The following TFPI variants were observed in gnomAD, a reference collection of about 807,000 sequenced individuals.
The protein encoded by TFPI is tissue factor pathway inhibitor.
Under a neutral mutation model 34.6 loss-of-function variants are expected in TFPI, and 15 were observed. That is an observed-to-expected ratio of 0.43 (90% CI 0.29 to 0.67). The LOEUF is 0.67. TFPI is among the 30% of genes least tolerant of loss of function. TFPI has a pLI of 0.15. For missense variants in TFPI, 301 were observed against 364.0 expected (o/e 0.83, Z 1.41); for synonymous variants, 105 against 120.1 (o/e 0.87, Z 0.82).
At chr2:187,499,814 T>C (rs1249430797) in intron 2 of TFPI, among the ~76,000 whole-genome samples, 1 of 152,156 alleles carries the variant, frequency 6.6e-6, no homozygotes, top group East Asian at 1.9e-4. Flanking sequence ...TAATGTGATG[T>C]TATTCATTCC....
At chr2:187,486,896 T>G (rs1402411729) in intron 4 of TFPI, among the ~76,000 whole-genome samples, 5 of 151,552 alleles carry the variant, frequency 3.3e-5, no homozygotes, top group Admixed American at 6.6e-5. Flanking sequence ...TCAAATCTCT[T>G]TATAATGGTC....
At chr2:187,498,741 T>C (rs1345676957) in intron 2 of TFPI, among the ~76,000 whole-genome samples, 1 of 151,912 alleles carries the variant, frequency 6.6e-6, no homozygotes, top group East Asian at 1.9e-4. Context: ...CTGACAGAAC[T>C]GATAGAAGAG....
chr2:187,538,800 TG>T (rs1320989646), intron 1 of TFPI, among the ~76,000 whole-genome samples: 3 of 152,220 alleles, frequency 2.0e-5, no homozygotes, highest in African/African-American at 7.2e-5. Context: ...TAATATTTTT[TG>T]GATATTTAAA....
rs539317236 is a variant in TFPI at position 187,545,723 on chromosome 2, A to G, written c.-3+8477T>C. On this transcript the variant is annotated intron_variant, in intron 1 of 7. Transcript: ENST00000233156. ...TGTATTTAATATTTGAGCAAAAGTTAAGAAACATATTTAAACTTAATTAAA... is the reference window on the plus strand; with the variant it reads ...TGTATTTAATATTTGAGCAAAAGTTGAGAAACATATTTAAACTTAATTAAA... Among the ~76,000 whole-genome samples, 10 of 152,304 alleles carry G rather than the reference A, an allele frequency of 6.6e-5. No homozygotes were observed. The South Asian group carries it at 1.9e-3, about 28-fold the overall frequency.
chr2:187,475,439 G>A (rs1458328171), intron 6 of TFPI, among the ~76,000 whole-genome samples: 2 of 152,120 alleles, frequency 1.3e-5, no homozygotes, highest in African/African-American at 2.4e-5. Flanking sequence ...ATAACAAAAT[G>A]TATACAAATA....
chr2:187,534,095 G>A (rs528811894), intron 1 of TFPI, among the ~76,000 whole-genome samples: 1 of 152,236 alleles, frequency 6.6e-6, no homozygotes, highest in Non-Finnish European at 1.5e-5. Context: ...ACATTTGATT[G>A]GTGTACTTGA....
At chr2:187,512,277 T>TAAAAAAAAAAAA (rs143585752) in intron 1 of TFPI, among the ~76,000 whole-genome samples, 3 of 110,370 alleles carry the variant, frequency 2.7e-5, no homozygotes, top group Admixed American at 9.7e-5. Flanking sequence ...TATCCTAAGT[T>TAAAAAAAAAAAA]AAAAAAAAAA....
At chr2:187,536,312 G>T (rs911946627) in intron 1 of TFPI, among the ~76,000 whole-genome samples, 1 of 152,178 alleles carries the variant, frequency 6.6e-6, no homozygotes, top group Non-Finnish European at 1.5e-5. Context: ...TATCCCTGAT[G>T]AATATCGATG....
chr2:187,481,300 G>A (rs1351578573), intron 6 of TFPI, among the ~76,000 whole-genome samples: 1 of 151,902 alleles, frequency 6.6e-6, no homozygotes, highest in East Asian at 1.9e-4. Flanking sequence ...AAAGTTTTAT[G>A]TAAACAAAGA....
At position 187,466,996 on chromosome 2, in the gene TFPI, T is replaced by C. The variant is rs1459992737; in HGVS notation, c.855A>G (p.Arg285=). Residue 285 remains arginine (R), a synonymous_variant, in exon 8 of 8, where the codon AGA becomes AGG. Coordinates refer to ENST00000233156, the MANE Select transcript of TFPI (RefSeq NM_006287.6). ...TTTTCACTCTCTGCTTCTTTCTTTTTCTTTTGGTTTTAATTAGGCCTCCTT... is the reference window on the plus strand; with the variant it reads ...TTTTCACTCTCTGCTTCTTTCTTTTCCTTTTGGTTTTAATTAGGCCTCCTT... The part of the protein sequence containing the change: ...ISKGGLIKTK[R]KRKKQRVKIA... 2 of 1,591,542 alleles carry C rather than the reference T, an allele frequency of 1.3e-6. No homozygotes were observed. Among genetic ancestry groups the C allele is most frequent in the Admixed American group, 3.5e-5 (2 of 57,588 alleles).
At chr2:187,512,796 G>A (rs566798903) in intron 1 of TFPI, among the ~76,000 whole-genome samples, 3 of 152,144 alleles carry the variant, frequency 2.0e-5, no homozygotes, top group South Asian at 4.1e-4. Flanking sequence ...CGAAATTTAT[G>A]TAAAAAGAAT....
intron 6 of TFPI, among the ~76,000 whole-genome samples, chr2:187,473,506 T>C (rs570092192): frequency 1.3e-5 from 2 of 152,264 alleles, no homozygotes; most frequent in South Asian, 2.1e-4. Flanking sequence ...GTTTTTCTTC[T>C]TTTATTTTCT....
intron 1 of TFPI, chr2:187,517,870 C>T (rs1429656448): frequency 1.3e-5 from 2 of 152,152 alleles, no homozygotes; most frequent in Non-Finnish European, 2.9e-5. Flanking sequence ...ATTCTTGTTT[C>T]ATTGATCCCT....
chr2:187,554,072 C>T (rs577423095), intron 1 of TFPI, 128 bp downstream of exon 1: 2 of 152,164 alleles, frequency 1.3e-5, no homozygotes, highest in Non-Finnish European at 2.9e-5. Flanking sequence ...GGCTGATTTT[C>T]ATTTTACGCA....
chr2:187,522,374 A>G (rs1050196337), intron 1 of TFPI, among the ~76,000 whole-genome samples: 2 of 152,076 alleles, frequency 1.3e-5, no homozygotes, highest in South Asian at 2.1e-4. Context: ...AGAAGAAGAG[A>G]ATACAATAGT....
At chr2:187,511,461 A>C (rs1686627799) in intron 1 of TFPI, among the ~76,000 whole-genome samples, 1 of 152,088 alleles carries the variant, frequency 6.6e-6, no homozygotes, top group Admixed American at 6.6e-5. Flanking sequence ...TGCGGTGTGC[A>C]TGTGGTGTTT....
chr2:187,503,834 A>C, intron 1 of TFPI, 64 bp from the exon 2 acceptor site: 1 of 1,565,544 alleles, frequency 6.4e-7, no homozygotes, highest in East Asian at 2.3e-5. Flanking sequence ...TTTACAGACT[A>C]GTAAACATCA....
At chr2:187,514,201 A>C (rs2106175290) in intron 1 of TFPI, 1 of 152,360 alleles carries the variant, frequency 6.6e-6, no homozygotes, top group South Asian at 2.1e-4. Context: ...TTTGGCAATT[A>C]AGCAGGTTAC....
intron 1 of TFPI, among the ~76,000 whole-genome samples, chr2:187,536,487 A>T (rs1688263643): frequency 6.6e-6 from 1 of 152,204 alleles, no homozygotes; most frequent in Non-Finnish European, 1.5e-5. Context: ...CAAAAACCAC[A>T]TGATTATCTC....
Sources: gnomAD v4.1 joint callset for allele counts (sites outside exome capture counted in the v4.1 genomes callset) on GRCh38, gnomAD v4.1.1 for gene constraint, MANE v1.5 for transcripts, NCBI Gene and HGNC (gene_info 2026-07-23, HGNC 2026-07-21) for gene names.